PPP4R1: variants seen among roughly 807,000 people sequenced by gnomAD.
PPP4R1 encodes the protein protein phosphatase 4 regulatory subunit 1.
In PPP4R1, 42 loss-of-function variants were observed where a neutral mutation model predicts 111.2. That is an observed-to-expected ratio of 0.38 (90% CI 0.29 to 0.49). The LOEUF (loss-of-function observed/expected upper bound fraction) is 0.49. PPP4R1 is among the 20% of genes least tolerant of loss of function. The pLI, the probability that PPP4R1 is intolerant of heterozygous loss-of-function variation, is 0.97. For synonymous variants in PPP4R1, 409 were observed against 405.5 expected (o/e 1.01, Z -0.10); for missense variants, 1,012 against 1,161.6 (o/e 0.87, Z 1.87).
intron 2 of PPP4R1, among the ~76,000 whole-genome samples, chr18:9,595,945 T>G (rs1485640309): frequency 6.6e-6 from 1 of 152,224 alleles, no homozygotes; most frequent in Non-Finnish European, 1.5e-5. Flanking sequence ...TTGGTACTTT[T>G]GTGCCATGCT....
At chr18:9,594,104 A>G (rs1376917209) in intron 3 of PPP4R1, 2 of 386,936 alleles carry the variant, frequency 5.2e-6, no homozygotes, top group East Asian at 9.8e-5. Context: ...ATTTTTAAAT[A>G]TCTTTAGTAG....
At chr18:9,572,608 TTTAACAGGAGAC>T (rs1213552597) in intron 10 of PPP4R1, among the ~76,000 whole-genome samples, 1 of 152,174 alleles carries the variant, frequency 6.6e-6, no homozygotes, top group African/African-American at 2.4e-5. Flanking sequence ...ATAAAAGATG[TTTAACAGGAGAC>T]TTAAAAGGAC....
At chr18:9,564,141 G>A (rs1374194511) in intron 11 of PPP4R1, among the ~76,000 whole-genome samples, 1 of 152,200 alleles carries the variant, frequency 6.6e-6, no homozygotes, top group African/African-American at 2.4e-5. Flanking sequence ...TTACCAGGCA[G>A]TGGTTCAAAA....
At position 9,558,897 on chromosome 18, in the gene PPP4R1, T is replaced by C. The variant is rs138830726; in HGVS notation, c.2028+522A>G. On this transcript the variant is annotated intron_variant, in intron 14 of 19. Coordinates refer to ENST00000400556, the MANE Select transcript of PPP4R1 (RefSeq NM_001042388.3). Reference sequence around the variant, plus strand: ...GCAAGGGTTTACCTTGTGTGTTCTGTTGAAAGGGGTTGGGGGTGGTGTGTG... The same window carrying C: ...GCAAGGGTTTACCTTGTGTGTTCTGCTGAAAGGGGTTGGGGGTGGTGTGTG... Among the ~76,000 whole-genome samples the C allele has an allele frequency of 6.4e-3, 974 of 152,038 alleles. 21 individuals are homozygous for C. The highest frequency in any genetic ancestry group is 0.032 in the East Asian group (167 of 5,146).
At chr18:9,572,935 C>A (rs980811620) in intron 10 of PPP4R1, among the ~76,000 whole-genome samples, 1 of 152,192 alleles carries the variant, frequency 6.6e-6, no homozygotes, top group African/African-American at 2.4e-5. Flanking sequence ...CTTTAACGTT[C>A]TTACTCTCGC....
chr18:9,584,462 A>G, intron 8 of PPP4R1, 53 bp downstream of exon 8: 2 of 1,463,364 alleles, frequency 1.4e-6, no homozygotes, highest in Middle Eastern at 3.6e-4. Flanking sequence ...TTCAAACTTT[A>G]TGTACTACTT....
At chr18:9,612,152 A>G (rs2067592597) in intron 2 of PPP4R1, among the ~76,000 whole-genome samples, 1 of 152,184 alleles carries the variant, frequency 6.6e-6, no homozygotes, top group Non-Finnish European at 1.5e-5. Flanking sequence ...AAACATAATC[A>G]TAATCATCGC....
intron 10 of PPP4R1, among the ~76,000 whole-genome samples, chr18:9,574,911 T>C (rs2066914574): frequency 6.6e-6 from 1 of 152,202 alleles, no homozygotes; most frequent in African/African-American, 2.4e-5. Flanking sequence ...AACAATGTGA[T>C]AACGAATGCT....
At chr18:9,556,680 A>G (rs1430899071) in intron 15 of PPP4R1, among the ~76,000 whole-genome samples, 3 of 152,246 alleles carry the variant, frequency 2.0e-5, no homozygotes, top group African/African-American at 7.2e-5. Context: ...GGCTAAACGT[A>G]AATTCTCAAG....
At chr18:9,587,752 G>A (rs1008717886) in intron 6 of PPP4R1, among the ~76,000 whole-genome samples, 4 of 146,342 alleles carry the variant, frequency 2.7e-5, no homozygotes, top group African/African-American at 2.5e-5. Flanking sequence ...TTGCTCTGTC[G>A]CCCAGGCTGA....
At chr18:9,604,268 A>T (rs1201753244) in intron 2 of PPP4R1, among the ~76,000 whole-genome samples, 1 of 152,008 alleles carries the variant, frequency 6.6e-6, no homozygotes, top group Non-Finnish European at 1.5e-5. Context: ...GGATCCATCT[A>T]CTCCCAGCCT....
chr18:9,550,214 G>T, intron 17 of PPP4R1, 28 bp from the exon 18 acceptor site: 1 of 1,614,152 alleles, frequency 6.2e-7, no homozygotes, highest in South Asian at 1.1e-5. Context: ...GAGAAATGAG[G>T]AACAGCTTCC....
intron 13 of PPP4R1, 44 bp from the exon 14 acceptor site, chr18:9,559,648 C>G: frequency 1.4e-6 from 2 of 1,428,550 alleles, no homozygotes; most frequent in Non-Finnish European, 1.9e-6. Context: ...AGCTGAGATG[C>G]ATTTTGAGCA....
Position 9,570,558 on chromosome 18 carries a change from G to A in PPP4R1, c.1172C>T (p.Ser391Phe). 1 of 1,614,170 alleles carries A rather than the reference G, an allele frequency of 6.2e-7. No individual in the cohort carries two copies. The highest frequency in any genetic ancestry group is 8.5e-7 in the Non-Finnish European group (1 of 1,180,028). The change falls in exon 11 of 20, where the codon TCC becomes TTC. Residue 391 changes from serine to phenylalanine, a missense_variant. Transcript: ENST00000400556. Reference protein sequence around the residue: ...NTMEDHAAEASGKPLGEISVP... With the variant: ...NTMEDHAAEAFGKPLGEISVP... Reference sequence around the variant, plus strand: ...ACTAATTTCACCTAGAGGCTTCCCGGATGCCTCAGCAGCATGGTCTTCCAT... The same window carrying A: ...ACTAATTTCACCTAGAGGCTTCCCGAATGCCTCAGCAGCATGGTCTTCCAT...
At chr18:9,570,043 C>T in intron 11 of PPP4R1, 114 bp downstream of exon 11, 4 of 1,149,328 alleles carry the variant, frequency 3.5e-6, no homozygotes, top group African/African-American at 3.2e-5. Flanking sequence ...AGTCACTGTG[C>T]CCAGTCCATA....
At chr18:9,584,463 T>C (rs145596991) in intron 8 of PPP4R1, 52 bp downstream of exon 8, 28 of 1,471,264 alleles carry the variant, frequency 1.9e-5, no homozygotes, top group Non-Finnish European at 1.8e-6. Context: ...TCAAACTTTA[T>C]GTACTACTTT....
chr18:9,580,998 C>T (rs1004560653), intron 9 of PPP4R1, among the ~76,000 whole-genome samples: 1 of 152,174 alleles, frequency 6.6e-6, no homozygotes, highest in African/African-American at 2.4e-5. Context: ...TGGGCAGACC[C>T]AAAGCTGTAC....
At chr18:9,556,440 G>T (rs1048966456) in intron 15 of PPP4R1, among the ~76,000 whole-genome samples, 1 of 151,944 alleles carries the variant, frequency 6.6e-6, no homozygotes, top group Non-Finnish European at 1.5e-5. Flanking sequence ...TGATCTGCCC[G>T]CCTCAGCCTC....
chr18:9,585,376 AAC>A (rs2067099076), intron 6 of PPP4R1, among the ~76,000 whole-genome samples: 1 of 152,216 alleles, frequency 6.6e-6, no homozygotes, highest in African/African-American at 2.4e-5. Context: ...GGAAAGCATG[AAC>A]ACAGTTCTGA....
Sources: allele counts gnomAD v4.1 joint callset (sites outside exome capture counted in the v4.1 genomes callset), GRCh38; gene constraint gnomAD v4.1.1; transcripts MANE v1.5; gene names NCBI Gene and HGNC (gene_info 2026-07-23, HGNC 2026-07-21).